The following GCNT2 variants were observed in gnomAD, a reference collection of about 807,000 sequenced individuals.
The protein encoded by GCNT2 is N-acetyllactosaminide beta-1,6-N-acetylglucosaminyl-transferase.
A neutral mutation model predicts 34.2 loss-of-function variants in GCNT2; 34 were observed. The ratio of observed to expected loss-of-function variants is 1.00; its 90% confidence interval spans 0.76 to 1.32. GCNT2 has a LOEUF of 1.32. Ranked by LOEUF, GCNT2 falls within the 40% of genes most tolerant of loss-of-function variation. The pLI, the probability that GCNT2 is intolerant of heterozygous loss-of-function variation, is 0.00. For missense variants in GCNT2, 584 were observed against 489.4 expected (o/e 1.19, Z -1.82); for synonymous variants, 212 against 188.0 (o/e 1.13, Z -1.04).
chr6:10,553,616 G>A (rs538628126), intron 3 of GCNT2, among the ~76,000 whole-genome samples: 12 of 152,160 alleles, frequency 7.9e-5, no homozygotes, highest in African/African-American at 1.4e-4. Context: ...TAAATAGGCC[G>A]GGCGTGGTGG....
chr6:10,567,369 G>C (rs946218354), intron 3 of GCNT2, among the ~76,000 whole-genome samples: 2 of 152,012 alleles, frequency 1.3e-5, no homozygotes, highest in Admixed American at 6.6e-5. Flanking sequence ...AGGTGGGAGG[G>C]TCACTTGAGC....
At chr6:10,617,518 G>A (rs543705996) in intron 3 of GCNT2, among the ~76,000 whole-genome samples, 73 of 152,362 alleles carry the variant, frequency 4.8e-4, no homozygotes, top group African/African-American at 1.7e-3. Context: ...TGGGTGCCAA[G>A]GCCGAGGAGG....
At chr6:10,608,000 C>G (rs1765396531) in intron 3 of GCNT2, among the ~76,000 whole-genome samples, 1 of 149,666 alleles carries the variant, frequency 6.7e-6, no homozygotes, top group Non-Finnish European at 1.5e-5. Flanking sequence ...TCCTCTGCCT[C>G]AAATAATAAT....
chr6:10,553,067 C>T (rs1468270824), intron 3 of GCNT2, among the ~76,000 whole-genome samples: 1 of 152,218 alleles, frequency 6.6e-6, no homozygotes, highest in Non-Finnish European at 1.5e-5. Flanking sequence ...GCTGCTCAAA[C>T]CTGTGTCCCC....
chr6:10,591,673 C>T (rs1764648802), intron 3 of GCNT2, among the ~76,000 whole-genome samples: 1 of 152,220 alleles, frequency 6.6e-6, no homozygotes. Context: ...CTCCCTCCTC[C>T]TGCTAGTACC....
intron 3 of GCNT2, among the ~76,000 whole-genome samples, chr6:10,588,692 G>A (rs988626152): frequency 6.6e-6 from 1 of 152,122 alleles, no homozygotes; most frequent in Non-Finnish European, 1.5e-5. Flanking sequence ...ACTTAGAGCT[G>A]GAGATGAGGT....
At chr6:10,624,281 T>A (rs2027360) in intron 4 of GCNT2, among the ~76,000 whole-genome samples, 64,727 of 152,076 alleles carry the variant, frequency 0.43, 16,456 homozygotes, top group East Asian at 0.65. Context: ...AAAAGAAGTT[T>A]AATGGACTCA....
chr6:10,522,758 C>T (rs913280690), intron 1 of GCNT2, among the ~76,000 whole-genome samples: 7 of 152,064 alleles, frequency 4.6e-5, no homozygotes, highest in Non-Finnish European at 8.8e-5. Context: ...ACTTTCTGAG[C>T]GATAGAGGTC....
At chr6:10,573,316 A>G (rs1010212953) in intron 3 of GCNT2, 3 of 979,030 alleles carry the variant, frequency 3.1e-6, no homozygotes, top group African/African-American at 3.6e-5. Context: ...TTAACAGAAT[A>G]TAGTCAAAGA....
chr6:10,562,095 A>G (rs1763011897), intron 3 of GCNT2, among the ~76,000 whole-genome samples: 1 of 152,138 alleles, frequency 6.6e-6, no homozygotes, highest in African/African-American at 2.4e-5. Context: ...CTCCCAATCA[A>G]GCTGGATCAG....
At chr6:10,587,281 G>T (rs372341268) in intron 3 of GCNT2, among the ~76,000 whole-genome samples, 2 of 152,266 alleles carry the variant, frequency 1.3e-5, no homozygotes, top group South Asian at 4.1e-4. Context: ...TGTTTCTTTC[G>T]GACGGATGTT....
At chr6:10,556,195 G>T (rs1762693038) in intron 3 of GCNT2, 1 of 1,409,894 alleles carries the variant, frequency 7.1e-7, no homozygotes, top group Non-Finnish European at 9.2e-7. Context: ...CTGCCACGGG[G>T]ATTTAAACAA....
intron 3 of GCNT2, among the ~76,000 whole-genome samples, chr6:10,581,187 G>C (rs1415164021): frequency 6.6e-6 from 1 of 152,196 alleles, no homozygotes; most frequent in Non-Finnish European, 1.5e-5. Flanking sequence ...GTCTCAGTCT[G>C]TTCATCTAAA....
At chr6:10,540,701 A>G (rs1581379463) in intron 3 of GCNT2, among the ~76,000 whole-genome samples, 1 of 152,166 alleles carries the variant, frequency 6.6e-6, no homozygotes, top group Non-Finnish European at 1.5e-5. Context: ...CATGTCTAAT[A>G]AGATGTTCTC....
chr6:10,604,369 CAAGGTAAATATGCCA>C lies in GCNT2; in HGVS notation c.926-16979_926-16965del, dbSNP rs577296129. On this transcript the variant is annotated intron_variant, in intron 3 of 4. Coordinates refer to ENST00000495262, the MANE Select transcript of GCNT2 (RefSeq NM_145649.5). Reference sequence around the variant, plus strand: ...TTAAGAGAAAATAAGTAAAGACTCACAAGGTAAATATGCCAAAATGCTAACACTAGCTAATTTGAG... The same window carrying C: ...TTAAGAGAAAATAAGTAAAGACTCACAAATGCTAACACTAGCTAATTTGAG... Among the ~76,000 whole-genome samples, 45 of 152,220 alleles carry C rather than the reference CAAGGTAAATATGCCA, an allele frequency of 3.0e-4. 2 individuals carry two copies. In the South Asian group the frequency reaches 4.1e-3, roughly 14 times the overall value.
chr6:10,563,773 AAAAAATAT>A (rs1159533226), intron 3 of GCNT2, among the ~76,000 whole-genome samples: 134 of 41,152 alleles, frequency 3.3e-3, no homozygotes, highest in African/African-American at 9.3e-3. Context: ...AAAAAAAAAA[AAAAAATAT>A]ATATATATAT....
chr6:10,610,853 C>CG (rs1765518450), intron 3 of GCNT2, among the ~76,000 whole-genome samples: 1 of 152,072 alleles, frequency 6.6e-6, no homozygotes, highest in Middle Eastern at 3.2e-3. Flanking sequence ...AGCTTGGTAA[C>CG]GAGGGGGAGG....
chr6:10,556,859 C>T (rs1490798970), intron 3 of GCNT2: 4 of 1,614,116 alleles, frequency 2.5e-6, no homozygotes, highest in Non-Finnish European at 3.4e-6. Context: ...AAGCTGCTTC[C>T]CAAACGCTTT....
chr6:10,573,116 C>A (rs372180158), intron 3 of GCNT2: 6 of 890,670 alleles, frequency 6.7e-6, no homozygotes, highest in East Asian at 1.2e-4. Flanking sequence ...CTTTTGTTTC[C>A]ATTTATTTGA....
Sources: allele counts gnomAD v4.1 joint callset (sites outside exome capture counted in the v4.1 genomes callset), GRCh38; gene constraint gnomAD v4.1.1; transcripts MANE v1.5; gene names NCBI Gene and HGNC (gene_info 2026-07-23, HGNC 2026-07-21).